The following MTMR10 variants were observed in gnomAD, a reference collection of about 807,000 sequenced individuals.
MTMR10 encodes the protein myotubularin related protein 10, also known as myotubularin-related protein 10.
MTMR10 carries 56 observed loss-of-function variants against 88.1 expected under a neutral mutation model. The observed-to-expected ratio is 0.64, with a 90% CI of 0.51 to 0.79. The LOEUF (loss-of-function observed/expected upper bound fraction) is 0.79, where lower values mean the gene tolerates loss of function less well. Ranked by LOEUF, MTMR10 falls within the 30% of genes least tolerant of loss-of-function variation. The pLI is 0.00. For missense variants in MTMR10, 883 were observed against 924.7 expected (o/e 0.95, Z 0.58); for synonymous variants, 380 against 340.9 (o/e 1.11, Z -1.26).
At chr15:30,935,472 C>A (rs1384678531), downstream of MTMR10, among the ~76,000 whole-genome samples, 1 of 151,982 alleles carries the variant, frequency 6.6e-6, no homozygotes, top group Non-Finnish European at 1.5e-5. Flanking sequence ...GTAACTACAA[C>A]AATAAACAAA....
chr15:30,920,681 C>A, the MTMR10 span: 2 of 1,327,818 alleles, frequency 1.5e-6, no homozygotes, highest in Non-Finnish European at 2.1e-6. Context: ...TGCCCCCCAC[C>A]ATTACTGATG....
At chr15:30,923,449 T>C in the MTMR10 span, among the ~76,000 whole-genome samples, 2 of 152,206 alleles carry the variant, frequency 1.3e-5, no homozygotes, top group Non-Finnish European at 2.9e-5. Context: ...CCACTGAGCT[T>C]ATTTTTGAGA....
At chr15:30,950,153 G>C (rs1453608907) in intron 12 of MTMR10, 1 of 152,154 alleles carries the variant, frequency 6.6e-6, no homozygotes, top group East Asian at 1.9e-4. Flanking sequence ...AATGCATGGA[G>C]AAATGGAGGA....
At chr15:30,977,550 T>A (rs1217284587) in intron 2 of MTMR10, among the ~76,000 whole-genome samples, 1 of 152,228 alleles carries the variant, frequency 6.6e-6, no homozygotes, top group Non-Finnish European at 1.5e-5. Flanking sequence ...ATAAAAGTTA[T>A]AATGTACTTT....
rs2063363617 is a variant in MTMR10 at position 30,958,954 on chromosome 15, A to G, written c.847-3T>C. 6.2e-7 allele frequency: 1 copy of G among 1,614,008 alleles called. No homozygotes were observed. The highest frequency in any genetic ancestry group is 8.5e-7 in the Non-Finnish European group (1 of 1,179,872). The stretch of plus-strand genomic sequence containing the variant: ...TTAGAGTGGCTCCAGCACCAGAGCT[A>G]GGGGAGAGGTAGAATCCTTACTTCA... On this transcript the variant is annotated splice_polypyrimidine_tract_variant and splice_region_variant and intron_variant, in intron 8 of 15. Transcript: ENST00000435680.
At chr15:30,930,630 C>T in the MTMR10 span, 110 of 1,612,810 alleles carry the variant, frequency 6.8e-5, 1 homozygote, top group African/African-American at 8.5e-4. Context: ...AGGGGGCCTC[C>T]CCGACCTGGT....
At chr15:30,988,338 G>A (rs1255942106) in intron 2 of MTMR10, among the ~76,000 whole-genome samples, 1 of 152,178 alleles carries the variant, frequency 6.6e-6, no homozygotes, top group African/African-American at 2.4e-5. Context: ...GGATAAGTCA[G>A]GTACAAACAG....
intron 2 of MTMR10, among the ~76,000 whole-genome samples, chr15:30,978,453 T>G (rs1225894261): frequency 6.6e-6 from 1 of 152,218 alleles, no homozygotes; most frequent in Non-Finnish European, 1.5e-5. Flanking sequence ...GCAGAAGTTG[T>G]TCTAGATAAG....
Position 30,954,794 on chromosome 15 carries a change from T to A in MTMR10, c.1035A>T (p.Ala345=). 6.2e-7 allele frequency: 1 copy of A among 1,602,638 alleles called. No individual in the cohort carries two copies. Among genetic ancestry groups the A allele is most frequent in the Non-Finnish European group, 8.5e-7 (1 of 1,174,610 alleles). ...TLPNIQEVQA[A]FVKLKQLCVN... ...CGCATAGCTGCTTCAGTTTTACAAATGCTGCCTGTACTTCTTGAATATTAG... is the reference window on the plus strand; with the variant it reads ...CGCATAGCTGCTTCAGTTTTACAAAAGCTGCCTGTACTTCTTGAATATTAG... The change falls in exon 10 of 16, where the codon GCA becomes GCT. Residue 345 remains alanine, a synonymous_variant. Transcript: ENST00000435680.
chr15:30,943,933 G>A, intron 14 of MTMR10: 1 of 985,362 alleles, frequency 1.0e-6, no homozygotes, highest in Non-Finnish European at 1.2e-6. Context: ...GTTCGCTGGA[G>A]GAAATAACTC....
At chr15:30,926,766 G>A in the MTMR10 span, 6 of 985,292 alleles carry the variant, frequency 6.1e-6, no homozygotes, top group Non-Finnish European at 6.0e-6. Context: ...AGGCTGGGAC[G>A]TGGGAGCGCT....
chr15:30,927,099 C>A, the MTMR10 span: 1 of 937,600 alleles, frequency 1.1e-6, no homozygotes, highest in Non-Finnish European at 1.3e-6. Flanking sequence ...ATCACTTGAA[C>A]TCTGAAGACG....
At chr15:30,925,225 G>C in the MTMR10 span, 11,200 of 1,613,980 alleles carry the variant, frequency 6.9e-3, 686 homozygotes, top group African/African-American at 0.13. Flanking sequence ...GAGAGTCTCC[G>C]AGCTGTAAAA....
chr15:30,974,300 CT>C lies in MTMR10; in HGVS notation c.474+13del, dbSNP rs745563557. On this transcript the variant is annotated intron_variant, in intron 5 of 15. Transcript: ENST00000435680. ...GTACAGAACCCAGAACTTGATAAAC[CT>C]TAACAGTATTACCTTTTTAGCACTT... 285 of 1,578,094 alleles carry C rather than the reference CT, an allele frequency of 1.8e-4. No individual in the cohort carries two copies. Among genetic ancestry groups the C allele is most frequent in the Non-Finnish European group, 2.0e-4 (233 of 1,160,690 alleles).
downstream of MTMR10, among the ~76,000 whole-genome samples, chr15:30,936,004 A>T (rs2062841895): frequency 6.6e-6 from 1 of 151,090 alleles, no homozygotes. Context: ...ATTTTTGGCC[A>T]TTTTTTCTTT....
chr15:30,959,096 T>G lies in MTMR10; in HGVS notation c.784A>C (p.Ser262Arg). The G allele has an allele frequency of 6.2e-7, 1 of 1,606,068 alleles. No homozygotes were observed. The highest frequency in any genetic ancestry group is 8.5e-7 in the Non-Finnish European group (1 of 1,175,904). Residue 262 changes from serine (S) to arginine (R), a missense_variant, in exon 8 of 16, where the codon AGT (serine) becomes CGT (arginine). By Grantham distance (110) the Ser-to-Arg change is moderately radical. Around this residue, in one of 3 missense-constraint regions of MTMR10, gnomAD observed 414 missense variants for 423.2 expected, o/e 0.98. Transcript: ENST00000435680. Reference protein sequence around the residue: ...TCLPEYIVVPSSLADQDLKIF... With the variant: ...TCLPEYIVVPRSLADQDLKIF... ...TTTAGATCTTGGTCTGCTAAAGAAC[T>G]TGGCACTACAATGTATTCTGGAAGG... is the stretch of plus-strand genomic sequence containing the variant.
At position 30,940,134 on chromosome 15, in the gene MTMR10, A is replaced by C. The variant is rs2062989481; in HGVS notation, c.*1336T>G. 2 of 985,490 alleles carry C rather than the reference A, an allele frequency of 2.0e-6. No homozygotes were observed. The highest frequency in any genetic ancestry group is 3.5e-5 in the African/African-American group (2 of 57,382). The allele number at this position is 985,490 out of a possible 1,614,324, so 61.0% of individuals were successfully genotyped here. A position where few individuals can be genotyped will look rare whatever the true frequency, so the allele number is the denominator to read the frequency against. ...CCATATCTTAGGATGGCAGTTTAAG[A>C]AACAGTCAAATTTGAAAGTATCCAT... On this transcript the variant is annotated 3_prime_UTR_variant, in exon 16 of 16. Coordinates refer to ENST00000435680, the MANE Select transcript of MTMR10 (RefSeq NM_017762.3).
chr15:30,946,846 T>A (rs1001445704), intron 14 of MTMR10: 2 of 664,146 alleles, frequency 3.0e-6, no homozygotes, highest in Non-Finnish European at 5.4e-6. Context: ...ATGTGAAATA[T>A]AAATACAAAA....
intron 14 of MTMR10, among the ~76,000 whole-genome samples, chr15:30,945,607 A>G (rs1449608106): frequency 6.6e-6 from 1 of 152,186 alleles, no homozygotes; most frequent in Non-Finnish European, 1.5e-5. Context: ...GGAGGCAAAC[A>G]AGGCCAGGGG....
Sources: allele counts gnomAD v4.1 joint callset (sites outside exome capture counted in the v4.1 genomes callset), GRCh38; gene constraint gnomAD v4.1.1; regional missense constraint gnomAD v4.1.1; transcripts MANE v1.5; gene names NCBI Gene and HGNC (gene_info 2026-07-23, HGNC 2026-07-21).